The following PLEKHG4B variants were observed in gnomAD, a reference collection of about 807,000 sequenced individuals.
PLEKHG4B encodes pleckstrin homology domain-containing family G member 4B.
Under a neutral mutation model 121.3 loss-of-function variants are expected in PLEKHG4B, and 111 were observed. The ratio of observed to expected loss-of-function variants is 0.92; its 90% CI spans 0.78 to 1.07. The LOEUF is 1.07. PLEKHG4B is among the 50% of genes least tolerant of loss of function. PLEKHG4B has a pLI of 0.00. For synonymous variants in PLEKHG4B, 738 were observed against 725.0 expected, an observed-to-expected ratio of 1.02 and a Z score of -0.29; for missense variants, 1,831 against 1,757.8, an observed-to-expected ratio of 1.04 and a Z score of -0.74.
chr5:145,861 C>T (rs914881835), intron 6 of PLEKHG4B, among the ~76,000 whole-genome samples: 13 of 152,066 alleles, frequency 8.5e-5, no homozygotes, highest in African/African-American at 3.1e-4. Context: ...CTCCACGAAG[C>T]TAAACCCATT....
chr5:148,967 G>T (rs1735516625), intron 6 of PLEKHG4B, among the ~76,000 whole-genome samples: 1 of 152,206 alleles, frequency 6.6e-6, no homozygotes, highest in South Asian at 2.1e-4. Flanking sequence ...ATTCAATGGA[G>T]AAAGGACAGT....
intron 1 of PLEKHG4B, among the ~76,000 whole-genome samples, chr5:109,916 C>T (rs1444270872): frequency 2.0e-5 from 3 of 152,180 alleles, no homozygotes; most frequent in African/African-American, 4.8e-5. Flanking sequence ...TGCACACATC[C>T]ACACAATCAG....
chr5:182,589 C>CA lies in PLEKHG4B; in HGVS notation c.*273dup, dbSNP rs1560960478. The stretch of plus-strand genomic sequence containing the variant: ...CATAGGAAACAGACCTAAAACAAGA[C>CA]AAAAAAAGACTAAACATGAAACAAA... On this transcript the variant is annotated 3_prime_UTR_variant, in exon 20 of 20. Coordinates refer to ENST00000637938, the MANE Select transcript of PLEKHG4B (RefSeq NM_052909.5). The CA allele has an allele frequency of 9.0e-6, 4 of 445,308 alleles. No homozygotes were observed. The highest frequency in any genetic ancestry group is 4.5e-5 in the South Asian group (1 of 22,422). The allele number at this position is 445,308 out of a possible 1,614,324, so 27.6% of individuals were successfully genotyped here.
At chr5:146,515 A>G in intron 6 of PLEKHG4B, among the ~76,000 whole-genome samples, 1 of 78,862 alleles carries the variant, frequency 1.3e-5, no homozygotes, top group Admixed American at 1.3e-4. Flanking sequence ...TCCTGTCCCC[A>G]CTGTGGCCCT....
chr5:135,576 G>A (rs1466351722), intron 2 of PLEKHG4B, among the ~76,000 whole-genome samples: 1 of 147,306 alleles, frequency 6.8e-6, no homozygotes, highest in African/African-American at 2.5e-5. Flanking sequence ...TGAGGCAGGA[G>A]AATGGCATGA....
chr5:92,766 A>T (rs1401349054), intron 1 of PLEKHG4B, among the ~76,000 whole-genome samples: 1 of 151,904 alleles, frequency 6.6e-6, no homozygotes, highest in Non-Finnish European at 1.5e-5. Flanking sequence ...GCCAAAACTG[A>T]GAGTTGCTAA....
chr5:171,450 T>A lies in PLEKHG4B; in HGVS notation c.4050+6T>A, dbSNP rs780873375. 4 of 1,580,446 alleles carry A rather than the reference T, an allele frequency of 2.5e-6. No homozygotes were observed. The highest frequency in any genetic ancestry group is 3.4e-6 in the Non-Finnish European group (4 of 1,164,476). On this transcript the variant is annotated splice_donor_region_variant and intron_variant, in intron 16 of 19. Transcript: ENST00000637938. ...ACGCCATCCGCGGCTGTGACGTAAGTGCCTCAGACGCTGGCAGCTCAGGCA... is the reference window on the plus strand; with the variant it reads ...ACGCCATCCGCGGCTGTGACGTAAGAGCCTCAGACGCTGGCAGCTCAGGCA...
rs190326087 is a variant in PLEKHG4B, at chr5:158,688, C to G, written c.2487+1777C>G. On this transcript the variant is annotated intron_variant, in intron 11 of 19. Transcript: ENST00000637938. ...GATCTCCCCCATCTCCCCTTCCTCC[C>G]TCTGCCTGTCCTGGGGGGTCTCCTT... is the stretch of plus-strand genomic sequence containing the variant. 5.0e-4 allele frequency among the ~76,000 whole-genome samples: 76 copies of G among 150,712 alleles called. 2 individuals carry two copies. In the East Asian group the frequency reaches 0.015, roughly 30 times the overall value.
chr5:138,030 G>A (rs895664140), intron 2 of PLEKHG4B, among the ~76,000 whole-genome samples: 1 of 152,224 alleles, frequency 6.6e-6, no homozygotes, highest in Non-Finnish European at 1.5e-5. Context: ...AACTGGGTGG[G>A]CCAATGTCTG....
rs1343713361 is a variant in PLEKHG4B at position 186,529 on chromosome 5, A to T, written c.*4206A>T. On this transcript the variant is annotated 3_prime_UTR_variant, in exon 20 of 20. Transcript: ENST00000637938. The stretch of plus-strand genomic sequence containing the variant: ...TCCGCCCAGCACTGGGGGCGCTGGG[A>T]GCTGAGGGGCCCACAGGGGACGTGG... 6.6e-6 allele frequency: 1 copy of T among 152,172 alleles called. No individual in the cohort carries two copies. Among genetic ancestry groups the T allele is most frequent in the Non-Finnish European group, 1.5e-5 (1 of 68,030 alleles). The allele number at this position is 152,172 out of a possible 1,614,324, so 9.4% of individuals were successfully genotyped here.
intron 2 of PLEKHG4B, among the ~76,000 whole-genome samples, chr5:135,679 AAAAATATATATATAT>A (rs1307176258): frequency 4.9e-4 from 28 of 57,126 alleles, no homozygotes; most frequent in Admixed American, 1.1e-3. Flanking sequence ...AAAAAAAAAA[AAAAATATATATATAT>A]ATATATATAT....
chr5:174,051 C>T lies in PLEKHG4B; in HGVS notation c.4355C>T (p.Thr1452Ile), dbSNP rs980035415. ...TCGGCAGAGGTCAAGAGTGCATGGA[C>T]CGATGTCATAGGGAGGATCCTGTGG... ...ASSAEVKSAW[T>I]DVIGRILWRQ... is the part of the protein sequence containing the mutation. The change falls in exon 18 of 20, where the codon ACC becomes ATC. Residue 1452 changes from threonine to isoleucine, a missense_variant. Physicochemically the swap from Thr to Ile is moderately conservative, Grantham distance 89. Coordinates refer to ENST00000637938, the MANE Select transcript of PLEKHG4B (RefSeq NM_052909.5). The T allele has an allele frequency of 1.9e-6, 3 of 1,600,316 alleles. No homozygotes were observed. The highest frequency in any genetic ancestry group is 3.5e-5 in the Admixed American group (2 of 57,212).
intron 13 of PLEKHG4B, among the ~76,000 whole-genome samples, chr5:164,644 T>C (rs370569525): frequency 7.7e-6 from 1 of 129,990 alleles, no homozygotes; most frequent in Non-Finnish European, 1.7e-5. Flanking sequence ...CTCACACTAA[T>C]GCTCTGACGG....
chr5:169,345 G>A lies in PLEKHG4B; in HGVS notation c.3482G>A (p.Arg1161Gln), dbSNP rs371026077. The change falls in exon 14 of 20, where the codon CGA (arginine) becomes CAA (glutamine). Residue 1161 changes from arginine (R) to glutamine (Q), a missense_variant. Physicochemically the swap from Arg to Gln is conservative, Grantham distance 43. Coordinates refer to ENST00000637938, the MANE Select transcript of PLEKHG4B (RefSeq NM_052909.5). Reference sequence around the variant, plus strand: ...GGGATCTCTGTGTCTTCCAGCAGCCGACTGAGGCACATCATGGCCGAGATG... The same window carrying A: ...GGGATCTCTGTGTCTTCCAGCAGCCAACTGAGGCACATCATGGCCGAGATG... ...EDGRQQVGSSRLRHIMAEMIA... is the reference protein window; with the variant it reads ...EDGRQQVGSSQLRHIMAEMIA... 6.2e-6 allele frequency: 10 copies of A among 1,613,772 alleles called. No individual in the cohort carries two copies. The East Asian group carries it at 6.7e-5, about 11-fold the overall frequency.
Position 157,545 on chromosome 5 carries a change from TGGACACACTGCA to T in PLEKHG4B, c.2487+636_2487+647del, listed in dbSNP as rs1195663594. ...GGCTGGGGTTATTGATGGCCCTTGG[TGGACACACTGCA>T]GAATCTGGGGTCCATATAGCAGTGG... On this transcript the variant is annotated intron_variant, in intron 11 of 19. Coordinates refer to ENST00000637938, the MANE Select transcript of PLEKHG4B (RefSeq NM_052909.5). This position sits in a 1 kb window ranked among gnomAD's most constrained non-coding sequence, Gnocchi z 4.6. 3.3e-5 allele frequency among the ~76,000 whole-genome samples: 5 copies of T among 152,044 alleles called. No individual in the cohort carries two copies. Among genetic ancestry groups the T allele is most frequent in the African/African-American group, 9.7e-5 (4 of 41,376 alleles).
chr5:160,404 G>C (rs898240968), intron 11 of PLEKHG4B, among the ~76,000 whole-genome samples: 3 of 152,236 alleles, frequency 2.0e-5, no homozygotes, highest in Non-Finnish European at 4.4e-5. Context: ...AGGTTTCCAC[G>C]CATAAGCCGT....
At chr5:162,681 C>T (rs1736058033) in intron 12 of PLEKHG4B, 41 bp from the exon 13 acceptor site, 1 of 1,312,554 alleles carries the variant, frequency 7.6e-7, no homozygotes. Context: ...CAGGGCAGCC[C>T]CTCCTCCACT....
chr5:115,638 G>A (rs1192656700), intron 2 of PLEKHG4B, among the ~76,000 whole-genome samples: 1 of 152,188 alleles, frequency 6.6e-6, no homozygotes, highest in East Asian at 1.9e-4. Flanking sequence ...CAGATCTTCT[G>A]GATTACTTGC....
chr5:146,284 C>T (rs142970252), intron 6 of PLEKHG4B, among the ~76,000 whole-genome samples: 6 of 100,852 alleles, frequency 5.9e-5, no homozygotes, highest in Non-Finnish European at 1.2e-4. Flanking sequence ...TCCCTCCTTT[C>T]CCACACCCTG....
Sources: allele counts gnomAD v4.1 joint callset (sites outside exome capture counted in the v4.1 genomes callset), GRCh38; gene constraint gnomAD v4.1.1; non-coding constraint Gnocchi (gnomAD v3.1); transcripts MANE v1.5; gene names NCBI Gene and HGNC (gene_info 2026-07-23, HGNC 2026-07-21).